Variants in IFT56 observed in about 807,000 individuals in gnomAD.
IFT56 encodes the protein intraflagellar transport protein 56.
the IFT56 span, among the ~76,000 whole-genome samples, chr7:139,159,461 T>C: frequency 6.6e-6 from 1 of 152,214 alleles, no homozygotes; most frequent in Non-Finnish European, 1.5e-5. Flanking sequence ...CCCCAAAAAG[T>C]TCATAGAAAA....
chr7:139,186,508 A>G, the IFT56 span, among the ~76,000 whole-genome samples: 1 of 152,120 alleles, frequency 6.6e-6, no homozygotes, highest in Non-Finnish European at 1.5e-5. Flanking sequence ...AACATGTTCT[A>G]TGAGGCCAAG....
chr7:139,136,837 G>A, the IFT56 span, among the ~76,000 whole-genome samples: 2 of 152,196 alleles, frequency 1.3e-5, no homozygotes, highest in African/African-American at 4.8e-5. Flanking sequence ...CATGGGAATG[G>A]AAACTGCTAT....
the IFT56 span, among the ~76,000 whole-genome samples, chr7:139,158,571 C>A: frequency 6.6e-6 from 1 of 152,084 alleles, no homozygotes; most frequent in Admixed American, 6.6e-5. Flanking sequence ...ACGGTCATAT[C>A]ATTTTCCTTT....
the IFT56 span, chr7:139,173,253 G>A: frequency 2.3e-6 from 1 of 431,530 alleles, no homozygotes. Flanking sequence ...TTGAGATGGA[G>A]TCTCGCTCTT....
At chr7:139,181,175 C>T in the IFT56 span, 1 of 1,612,562 alleles carries the variant, frequency 6.2e-7, no homozygotes, top group Non-Finnish European at 8.5e-7. Context: ...TCTCTTACAG[C>T]TCATTGCTAA....
chr7:139,173,813 A>G, the IFT56 span: 3 of 733,132 alleles, frequency 4.1e-6, no homozygotes, highest in Non-Finnish European at 5.1e-6. Flanking sequence ...TAATGTAATA[A>G]CAATCATCCT....
the IFT56 span, among the ~76,000 whole-genome samples, chr7:139,177,645 A>T: frequency 2.1e-5 from 3 of 141,236 alleles, no homozygotes; most frequent in African/African-American, 8.5e-5. Context: ...TATATCTCAA[A>T]TGTACATAGT....
At chr7:139,177,620 G>A in the IFT56 span, among the ~76,000 whole-genome samples, 1 of 151,616 alleles carries the variant, frequency 6.6e-6, no homozygotes, top group Non-Finnish European at 1.5e-5. Flanking sequence ...TAGTGTGTGT[G>A]TGTGTGTGTG....
the IFT56 span, among the ~76,000 whole-genome samples, chr7:139,170,005 C>T: frequency 2.0e-5 from 3 of 152,116 alleles, no homozygotes; most frequent in Admixed American, 2.0e-4. Flanking sequence ...CAGAGTGAGA[C>T]CGTCATCTCA....
chr7:139,163,752 G>C, the IFT56 span, among the ~76,000 whole-genome samples: 1 of 152,156 alleles, frequency 6.6e-6, no homozygotes. Context: ...AATTAATGGA[G>C]AAAAGAGGTT....
the IFT56 span, chr7:139,139,974 T>C: frequency 1.2e-6 from 2 of 1,611,436 alleles, no homozygotes; most frequent in Non-Finnish European, 1.7e-6. Context: ...TCTTGGGATG[T>C]ATAAACAAGC....
the IFT56 span, among the ~76,000 whole-genome samples, chr7:139,160,017 A>G: frequency 2.0e-5 from 3 of 152,326 alleles, no homozygotes; most frequent in African/African-American, 7.2e-5. Flanking sequence ...TTTATAGAGT[A>G]TAAAAGGGAT....
the IFT56 span, chr7:139,168,488 G>GGAGAGCCTATT: frequency 1.1e-6 from 1 of 887,328 alleles, no homozygotes; most frequent in African/African-American, 1.7e-5. Flanking sequence ...AGCAGCAATA[G>GGAGAGCCTATT]GCTCTCCTGT....
the IFT56 span, chr7:139,140,120 G>C: frequency 1.6e-6 from 1 of 641,744 alleles, no homozygotes; most frequent in Admixed American, 3.4e-5. Flanking sequence ...ATATTAGAAA[G>C]CTAAAAAAAT....
the IFT56 span, among the ~76,000 whole-genome samples, chr7:139,137,091 A>C: frequency 6.6e-6 from 1 of 152,178 alleles, no homozygotes; most frequent in Non-Finnish European, 1.5e-5. Context: ...GATGCTCCAT[A>C]AATATGTGTT....
the IFT56 span, among the ~76,000 whole-genome samples, chr7:139,151,127 A>G: frequency 6.6e-6 from 1 of 152,250 alleles, no homozygotes; most frequent in South Asian, 2.1e-4. Context: ...ATCACATTTA[A>G]AGAAGGAGGA....
At chr7:139,156,194 C>G in the IFT56 span, among the ~76,000 whole-genome samples, 1 of 151,878 alleles carries the variant, frequency 6.6e-6, no homozygotes, top group Non-Finnish European at 1.5e-5. Context: ...AGTAGTATTG[C>G]CTTCTTTCAT....
chr7:139,134,023 T>C, the IFT56 span, among the ~76,000 whole-genome samples: 1 of 152,186 alleles, frequency 6.6e-6, no homozygotes, highest in African/African-American at 2.4e-5. Flanking sequence ...TGTAAATACC[T>C]CGGTGCTTTC....
At chr7:139,165,202 G>A in the IFT56 span, 31 of 1,613,424 alleles carry the variant, frequency 1.9e-5, no homozygotes, top group African/African-American at 2.7e-5. Context: ...CCTGAAGCTA[G>A]GCTAAACTTG....
Sources: gnomAD v4.1 joint callset for allele counts (sites outside exome capture counted in the v4.1 genomes callset) on GRCh38, gnomAD v4.1.1 for gene constraint, MANE v1.5 for transcripts, NCBI Gene and HGNC (gene_info 2026-07-23, HGNC 2026-07-21) for gene names.